EHMT2: variants seen among roughly 807,000 people sequenced by gnomAD.
The protein encoded by EHMT2 is euchromatic histone lysine methyltransferase 2.
In EHMT2, 59 loss-of-function variants were observed where a neutral mutation model predicts 143.3. That is an observed-to-expected ratio of 0.41 (90% CI 0.33 to 0.51). The LOEUF (loss-of-function observed/expected upper bound fraction) is 0.51. EHMT2 is among the 20% of genes least tolerant of loss of function. The pLI, the probability that EHMT2 is intolerant of heterozygous loss-of-function variation, is 0.18. For synonymous variants in EHMT2, 604 were observed against 651.5 expected, an observed-to-expected ratio of 0.93 and a Z score of 1.11; for missense variants, 1,174 against 1,645.9, an observed-to-expected ratio of 0.71 and a Z score of 4.96.
intron 18 of EHMT2, 107 bp downstream of exon 18, chr6:31,886,474 C>G (rs1581909111): frequency 1.2e-6 from 1 of 846,432 alleles, no homozygotes; most frequent in South Asian, 1.6e-5. Context: ...AGGACAGACA[C>G]GAGCAGTGTG....
chr6:31,883,347 G>A lies in EHMT2; in HGVS notation c.2994+15C>T. Reference sequence around the variant, plus strand: ...GAGGGGCCGGGTGTCTGTGGCCAAGGCAAGGGGCACGCACCTTGTCATACC... The same window carrying A: ...GAGGGGCCGGGTGTCTGTGGCCAAGACAAGGGGCACGCACCTTGTCATACC... On this transcript the variant is annotated intron_variant, in intron 23 of 27. Coordinates refer to ENST00000375537, the Ensembl canonical transcript of EHMT2. This position sits in a 1 kb window ranked among gnomAD's most constrained non-coding sequence, Gnocchi z 5.6. 1 of 1,612,154 alleles carries A rather than the reference G, an allele frequency of 6.2e-7. No homozygotes were observed. The highest frequency in any genetic ancestry group is 8.5e-7 in the Non-Finnish European group (1 of 1,179,374).
At chr6:31,897,581 T>C in intron 1 of EHMT2, 55 bp downstream of exon 1, 10 of 1,081,838 alleles carry the variant, frequency 9.2e-6, no homozygotes, top group South Asian at 8.8e-5. Flanking sequence ...GGGCGCGCGC[T>C]TCCCCCGGGC....
chr6:31,890,012 AC>A (rs998991952), intron 7 of EHMT2, among the ~76,000 whole-genome samples: 4 of 152,194 alleles, frequency 2.6e-5, no homozygotes, highest in African/African-American at 9.7e-5. Context: ...CAATCTTATC[AC>A]TAACAAGAAA....
chr6:31,888,671 C>T lies in EHMT2; in HGVS notation c.1293G>A (p.Glu431=). 6.2e-7 allele frequency: 1 copy of T among 1,613,818 alleles called. No individual in the cohort carries two copies. Among genetic ancestry groups the T allele is most frequent in the Non-Finnish European group, 8.5e-7 (1 of 1,180,014 alleles). Residue 431 remains glutamate (E), a synonymous_variant, in exon 11 of 28, where the codon GAG becomes GAA. Transcript: ENST00000375537. The surrounding 1 kb of genome is among the most constrained non-coding windows in gnomAD (Gnocchi z 7.4). ...CGCTGATGCGGTCAATCTTGGGTGC[C>T]TCCATGCGGCAGCTGCACAGGGGCA...
intron 1 of EHMT2, 120 bp from the exon 2 acceptor site, chr6:31,897,109 GC>G (rs748063669): frequency 8.2e-5 from 117 of 1,424,556 alleles, no homozygotes; most frequent in South Asian, 5.1e-4. Context: ...CCTCTGTGGG[GC>G]CCCCCCCTTC....
chr6:31,883,145 A>G lies in EHMT2; in HGVS notation c.2995-136T>C. The G allele has an allele frequency of 1.1e-6, 1 of 881,158 alleles. No individual in the cohort carries two copies. The allele number at this position is 881,158 out of a possible 1,614,324, so 54.6% of individuals were successfully genotyped here. On this transcript the variant is annotated intron_variant, in intron 23 of 27. Transcript: ENST00000375537. The surrounding 1 kb of genome is among the most constrained non-coding windows in gnomAD (Gnocchi z 5.6). Reference sequence around the variant, plus strand: ...ACAGGCTCTGAGATCCGAGAGCACGAAATGCAGGAGCATCATCCCTGGTTT... The same window carrying G: ...ACAGGCTCTGAGATCCGAGAGCACGGAATGCAGGAGCATCATCCCTGGTTT...
chr6:31,888,840 C>T lies in EHMT2; in HGVS notation c.1217-93G>A, dbSNP rs983555745. 4.3e-5 allele frequency: 66 copies of T among 1,531,326 alleles called. No individual in the cohort carries two copies. The highest frequency in any genetic ancestry group is 6.8e-5 in the African/African-American group (5 of 73,306). 94.9% of individuals were successfully genotyped at this position (1,531,326 alleles called of 1,614,324 possible). A position where few individuals can be genotyped will look rare whatever the true frequency, so the allele number is the denominator to read the frequency against. On this transcript the variant is annotated intron_variant, in intron 10 of 27. Coordinates refer to ENST00000375537, the Ensembl canonical transcript of EHMT2. The surrounding 1 kb of genome is among the most constrained non-coding windows in gnomAD (Gnocchi z 7.4). ...CTCTCACTCCCTCCCTACCCCACCC[C>T]GCCATGCCCCAGAACCCCTAAAGCC...
exon 17 of EHMT2, chr6:31,886,829 G>C: frequency 1.2e-6 from 2 of 1,614,268 alleles, no homozygotes; most frequent in Non-Finnish European, 1.7e-6. Flanking sequence ...CCTCCAGGTG[G>C]TTGTTCACCA....
intron 4 of EHMT2, 145 bp from the exon 5 acceptor site, chr6:31,893,055 C>T (rs115699278): frequency 0.013 from 7,533 of 588,954 alleles, 102 homozygotes; most frequent in East Asian, 0.042. Context: ...CTGGCAACCA[C>T]GGGTGCTATT....
In EHMT2 at chr6:31,884,087, C is replaced by G. The variant is rs1338569672; in HGVS notation, c.2772-137G>C. 25 of 953,126 alleles carry G rather than the reference C, an allele frequency of 2.6e-5. No homozygotes were observed. In the South Asian group the frequency reaches 4.4e-4, roughly 17 times the overall value. The allele number at this position is 953,126 out of a possible 1,614,324, so 59.0% of individuals were successfully genotyped here. On this transcript the variant is annotated intron_variant, in intron 21 of 27. Coordinates refer to ENST00000375537, the Ensembl canonical transcript of EHMT2. This position sits in a 1 kb window ranked among gnomAD's most constrained non-coding sequence, Gnocchi z 7.3. ...GGTTGCCAGGTAAGATGCAGGACAG[C>G]GAGTTAACATAGAATTTTAGATAAA...
rs201584362 is a variant in EHMT2, at chr6:31,892,665, G to C, written c.708+29C>G. 4 of 1,613,068 alleles carry C rather than the reference G, an allele frequency of 2.5e-6. No homozygotes were observed. In the South Asian group the frequency reaches 3.3e-5, roughly 13 times the overall value. Reference sequence around the variant, plus strand: ...GACCCTCCCTCAGAGCAGCCCCCGAGGGGTAGAGGCTCTGCCTCTGCTGCT... The same window carrying C: ...GACCCTCCCTCAGAGCAGCCCCCGACGGGTAGAGGCTCTGCCTCTGCTGCT... On this transcript the variant is annotated intron_variant, in intron 6 of 27. Transcript: ENST00000375537.
chr6:31,884,765 G>A lies in EHMT2; in HGVS notation c.2483C>T (p.Thr828Met), dbSNP rs768152055. The change falls in exon 20 of 28, where the codon ACG (threonine) becomes ATG (methionine). Residue 828 changes from threonine to methionine, a missense_variant. By Grantham distance (81) the Thr-to-Met change is moderately conservative. Around this residue, in one of 6 missense-constraint regions of EHMT2, gnomAD observed 608 missense variants for 903.7 expected, o/e 0.67. Coordinates refer to ENST00000375537, the Ensembl canonical transcript of EHMT2. The surrounding 1 kb of genome is among the most constrained non-coding windows in gnomAD (Gnocchi z 7.3). ...GACTTCGGCGATGGCGGCGCTGCCC[G>A]TGAAGGAGGCCCAGTGCAGGCAGAT... 1.4e-5 allele frequency: 23 copies of A among 1,601,376 alleles called. No homozygotes were observed. Among genetic ancestry groups the A allele is most frequent in the South Asian group, 7.8e-5 (7 of 90,140 alleles).
intron 25 of EHMT2, among the ~76,000 whole-genome samples, chr6:31,882,472 G>A (rs1179121049): frequency 6.6e-6 from 1 of 152,068 alleles, no homozygotes; most frequent in Non-Finnish European, 1.5e-5. Context: ...GACAAGCTCT[G>A]TGGTCTGGGC....
intron 25 of EHMT2, among the ~76,000 whole-genome samples, chr6:31,882,470 C>G (rs1239980154): frequency 2.6e-5 from 4 of 151,774 alleles, no homozygotes; most frequent in Admixed American, 2.6e-4. Flanking sequence ...AAGACAAGCT[C>G]TGTGGTCTGG....
exon 5 of EHMT2, chr6:31,892,891 C>T (rs1765890579): frequency 1.9e-6 from 3 of 1,581,850 alleles, no homozygotes; most frequent in African/African-American, 1.3e-5. Flanking sequence ...TTCAGGGGGC[C>T]GCTTCTCAGG....
chr6:31,883,542 C>A lies in EHMT2; in HGVS notation c.2917-103G>T. On this transcript the variant is annotated intron_variant, in intron 22 of 27. Coordinates refer to ENST00000375537, the Ensembl canonical transcript of EHMT2. The surrounding 1 kb of genome is among the most constrained non-coding windows in gnomAD (Gnocchi z 5.6). ...TAACCACTGTCCTTTCTTTGGGGTC[C>A]ATGTGTTACAACAGTGGGTGGTGAT... is the stretch of plus-strand genomic sequence containing the variant. The A allele has an allele frequency of 1.6e-6, 2 of 1,241,842 alleles. No homozygotes were observed. Among genetic ancestry groups the A allele is most frequent in the Non-Finnish European group, 2.3e-6 (2 of 867,064 alleles). 76.9% of individuals were successfully genotyped at this position (1,241,842 alleles called of 1,614,324 possible).
chr6:31,889,445 A>C lies in EHMT2; in HGVS notation c.999+23T>G. Reference sequence around the variant, plus strand: ...GCCCCATAGTCTCCCACTCCTCTGGAGATATCAGCCTCCGTCTCTTACCCT... The same window carrying C: ...GCCCCATAGTCTCCCACTCCTCTGGCGATATCAGCCTCCGTCTCTTACCCT... On this transcript the variant is annotated intron_variant, in intron 8 of 27. Coordinates refer to ENST00000375537, the Ensembl canonical transcript of EHMT2. The surrounding 1 kb of genome is among the most constrained non-coding windows in gnomAD (Gnocchi z 5.1). The C allele has an allele frequency of 6.2e-7, 1 of 1,611,794 alleles. No homozygotes were observed. The highest frequency in any genetic ancestry group is 2.2e-5 in the East Asian group (1 of 44,856).
At position 31,883,302 on chromosome 6, in the gene EHMT2, G is replaced by T; in HGVS notation, c.2994+60C>A. On this transcript the variant is annotated intron_variant, in intron 23 of 27. Transcript: ENST00000375537. This position sits in a 1 kb window ranked among gnomAD's most constrained non-coding sequence, Gnocchi z 5.6. ...CATGGTCCCAGGGAGCTGGTTTATT[G>T]GAGGCTGGCTCCTCTGAAGGAGGGG... The T allele has an allele frequency of 6.5e-7, 1 of 1,547,074 alleles. No individual in the cohort carries two copies. Among genetic ancestry groups the T allele is most frequent in the Non-Finnish European group, 8.9e-7 (1 of 1,123,414 alleles).
chr6:31,893,028 G>A, intron 4 of EHMT2, 118 bp from the exon 5 acceptor site: 1 of 628,800 alleles, frequency 1.6e-6, no homozygotes, highest in South Asian at 2.1e-5. Context: ...GCCATGTGAG[G>A]CTCCAGTAGC....
Sources: gnomAD v4.1 joint callset for allele counts (sites outside exome capture counted in the v4.1 genomes callset) on GRCh38, gnomAD v4.1.1 for gene constraint, gnomAD v4.1.1 regional missense constraint, Gnocchi (gnomAD v3.1) non-coding constraint, MANE v1.5 for transcripts, NCBI Gene and HGNC (gene_info 2026-07-23, HGNC 2026-07-21) for gene names.